The following FGD2 variants were observed in gnomAD, a reference collection of about 807,000 sequenced individuals.
FGD2 encodes the protein FYVE, RhoGEF and PH domain containing 2, also known as FYVE, RhoGEF and PH domain-containing protein 2.
Under a neutral mutation model 75.9 loss-of-function variants are expected in FGD2, and 52 were observed. That is an observed-to-expected ratio of 0.69 (90% confidence interval 0.55 to 0.86). The LOEUF is 0.86. Ranked by LOEUF, FGD2 falls within the 40% of genes least tolerant of loss-of-function variation. The pLI, the probability that FGD2 is intolerant of heterozygous loss-of-function variation, is 0.00. For synonymous variants in FGD2, 347 were observed against 348.6 expected (o/e 1.00, Z 0.05); for missense variants, 790 against 872.0 (o/e 0.91, Z 1.18).
chr6:37,022,591 C>T (rs1765644636), intron 13 of FGD2: 8 of 576,982 alleles, frequency 1.4e-5, no homozygotes, highest in Non-Finnish European at 1.7e-5. Flanking sequence ...TCCACTTGAT[C>T]CACCTAGGCT....
intron 3 of FGD2, chr6:37,011,498 C>G (rs1009834622): frequency 1.7e-5 from 11 of 644,134 alleles, no homozygotes; most frequent in Middle Eastern, 4.2e-4. Context: ...TTGGCCAAGT[C>G]CCTGCATCTC....
At chr6:37,022,086 A>G (rs1235190099) in intron 12 of FGD2, 153 bp from the exon 13 acceptor site, 2 of 1,039,328 alleles carry the variant, frequency 1.9e-6, no homozygotes, top group African/African-American at 3.3e-5. Flanking sequence ...TAAGGTCTCG[A>G]TCAGGTCAGT....
chr6:37,008,767 C>T, intron 1 of FGD2, 67 bp from the exon 2 acceptor site: 1 of 1,464,192 alleles, frequency 6.8e-7, no homozygotes, highest in Non-Finnish European at 9.2e-7. Context: ...AAATCCACAC[C>T]AGGGACTTGC....
At chr6:37,010,900 C>T (rs1048626099) in intron 2 of FGD2, 73 bp from the exon 3 acceptor site, 70 of 1,428,734 alleles carry the variant, frequency 4.9e-5, no homozygotes, top group Non-Finnish European at 6.3e-5. Context: ...GAGACTGAAC[C>T]GAGGTCCCCA....
rs759179299 is a variant in FGD2, at chr6:37,027,535, G to A, written c.1712G>A (p.Arg571Gln). 39 of 1,613,980 alleles carry A rather than the reference G, an allele frequency of 2.4e-5. 1 individual carries two copies. Among genetic ancestry groups the A allele is most frequent in the Admixed American group, 8.3e-5 (5 of 60,002 alleles). Residue 571 changes from arginine to glutamine, a missense_variant, in exon 15 of 16, where the codon CGG (arginine) becomes CAG (glutamine). Arg to Gln is a conservative substitution (Grantham distance 43). Transcript: ENST00000274963. ...CCCCGGGGCTGGTGTGTGATCCCTCGGGATGACCCCCTCGTGCTCTATGTC... is the reference window on the plus strand; with the variant it reads ...CCCCGGGGCTGGTGTGTGATCCCTCAGGATGACCCCCTCGTGCTCTATGTC... ...SGPRGWCVIP[R>Q]DDPLVLYVYA...
intron 12 of FGD2, chr6:37,021,828 G>A (rs1765604835): frequency 1.9e-6 from 1 of 533,930 alleles, no homozygotes; most frequent in Non-Finnish European, 3.3e-6. Context: ...CTGTCTTGGG[G>A]AAGTGTTTCA....
chr6:37,007,788 G>A (rs758654464), intron 1 of FGD2, among the ~76,000 whole-genome samples: 9 of 152,208 alleles, frequency 5.9e-5, no homozygotes, highest in Admixed American at 3.3e-4. Context: ...CCCATGAGCT[G>A]CAGACCCATG....
At chr6:37,027,317 C>G in intron 14 of FGD2, 112 bp from the exon 15 acceptor site, 4 of 1,261,876 alleles carry the variant, frequency 3.2e-6, no homozygotes, top group Non-Finnish European at 4.4e-6. Flanking sequence ...ACCAAGGACC[C>G]CTCCATTCAG....
intron 9 of FGD2, among the ~76,000 whole-genome samples, chr6:37,016,254 A>C: frequency 6.6e-6 from 1 of 152,190 alleles, no homozygotes; most frequent in East Asian, 1.9e-4. Context: ...GCTCCCAGTT[A>C]AGATGGGCTG....
rs1765136378 is a variant in FGD2 at position 37,013,731 on chromosome 6, C to T, written c.650C>T (p.Ser217Phe). The T allele has an allele frequency of 1.9e-6, 3 of 1,614,082 alleles. No individual in the cohort carries two copies. The highest frequency in any genetic ancestry group is 1.3e-5 in the African/African-American group (1 of 75,030). The change falls in exon 5 of 16, where the codon TCT (serine) becomes TTT (phenylalanine). Residue 217 changes from serine (S) to phenylalanine (F), a missense_variant. By Grantham distance (155) the Ser-to-Phe change is radical. Coordinates refer to ENST00000274963, the MANE Select transcript of FGD2 (RefSeq NM_173558.4). ...CTGCTGGCCACCTGGACCGACAAGT[C>T]TCCACTCTTCCAGGAGGTTCTCACT... ...AELLATWTDK[S>F]PLFQEVLTRI...
chr6:37,025,991 T>C, intron 14 of FGD2, 53 bp downstream of exon 14: 2 of 1,600,658 alleles, frequency 1.2e-6, no homozygotes, highest in East Asian at 2.2e-5. Context: ...AGGGAATGTG[T>C]GCCCGGCAAC....
chr6:37,018,746 A>G (rs1037057244), intron 9 of FGD2, among the ~76,000 whole-genome samples: 4 of 152,382 alleles, frequency 2.6e-5, no homozygotes, highest in African/African-American at 9.6e-5. Flanking sequence ...TGGTATATTT[A>G]TAGTGAGAAT....
At chr6:37,011,415 G>A (rs1379560265) in intron 3 of FGD2, 2 of 559,812 alleles carry the variant, frequency 3.6e-6, no homozygotes, top group Non-Finnish European at 6.4e-6. Context: ...ATCACCGCAG[G>A]GAGCTCTAGT....
rs1191611056 is a variant in FGD2, at chr6:37,013,711, G to A, written c.630G>A (p.Leu210=). ...VKNFERAAEL[L]ATWTDKSPLF... ...ACTTTGAGCGAGCGGCTGAGCTGCT[G>A]GCCACCTGGACCGACAAGTCTCCAC... Residue 210 remains leucine, a synonymous_variant, in exon 5 of 16, where the codon CTG becomes CTA. Coordinates refer to ENST00000274963, the MANE Select transcript of FGD2 (RefSeq NM_173558.4). The A allele has an allele frequency of 1.2e-6, 2 of 1,613,974 alleles. No homozygotes were observed. Among genetic ancestry groups the A allele is most frequent in the Non-Finnish European group, 1.7e-6 (2 of 1,179,990 alleles).
At chr6:37,026,313 ACTGACGCTCCAGGT>A in intron 14 of FGD2, 1 of 985,424 alleles carries the variant, frequency 1.0e-6, no homozygotes, top group Non-Finnish European at 1.2e-6. Context: ...AGATGGGAAC[ACTGACGCTCCAGGT>A]CAGACAGATT....
chr6:37,017,739 G>C (rs933843037), intron 9 of FGD2, among the ~76,000 whole-genome samples: 1 of 152,168 alleles, frequency 6.6e-6, no homozygotes, highest in Non-Finnish European at 1.5e-5. Flanking sequence ...GCAGGCAGGA[G>C]TTGAACCAGA....
chr6:37,027,075 G>A (rs1765860555), intron 14 of FGD2, among the ~76,000 whole-genome samples: 1 of 151,666 alleles, frequency 6.6e-6, no homozygotes, highest in Non-Finnish European at 1.5e-5. Context: ...CATCCTTCCA[G>A]GCCCAGGACC....
chr6:37,015,778 T>A lies in FGD2; in HGVS notation c.1040T>A (p.Met347Lys), dbSNP rs1159638123. ...MERYLFLFNN[M>K]LLYCVPRVIQ... ...CTGTGTCTCCTGCAGTTCAACAACA[T>A]GCTGCTCTACTGTGTGCCCAGGGTG... The change falls in exon 9 of 16, where the codon ATG becomes AAG. Residue 347 changes from methionine to lysine, a missense_variant. By Grantham distance (95) the Met-to-Lys change is moderately conservative. Coordinates refer to ENST00000274963, the MANE Select transcript of FGD2 (RefSeq NM_173558.4). The A allele has an allele frequency of 1.3e-6, 2 of 1,590,724 alleles. No homozygotes were observed. The highest frequency in any genetic ancestry group is 1.8e-5 in the Admixed American group (1 of 55,600).
At chr6:37,013,886 G>C (rs940909221) in intron 5 of FGD2, 76 bp from the exon 6 acceptor site, 4 of 1,585,004 alleles carry the variant, frequency 2.5e-6, no homozygotes, top group Non-Finnish European at 3.4e-6. Context: ...CTGCCTACTC[G>C]TCCGGCCCTC....
Sources: allele counts gnomAD v4.1 joint callset (sites outside exome capture counted in the v4.1 genomes callset), GRCh38; gene constraint gnomAD v4.1.1; transcripts MANE v1.5; gene names NCBI Gene and HGNC (gene_info 2026-07-23, HGNC 2026-07-21).